The following HCN1 variants were observed in gnomAD, a reference collection of about 807,000 sequenced individuals.
HCN1 encodes potassium/sodium hyperpolarization-activated cyclic nucleotide-gated channel 1.
In HCN1, 13 loss-of-function variants were observed where a neutral mutation model predicts 78.9. That is an observed-to-expected ratio of 0.16 (90% CI 0.11 to 0.26). The LOEUF is 0.26. Among genes scored for constraint, HCN1 ranks in the 10% least tolerant of loss-of-function variants. The pLI is 1.00. For missense variants in HCN1, 810 were observed against 1,154.3 expected (o/e 0.70, Z 4.32); for synonymous variants, 552 against 455.5 (o/e 1.21, Z -2.70).
chr5:45,665,113 T>C (rs10440658), intron 1 of HCN1, among the ~76,000 whole-genome samples: 1,258 of 110,436 alleles, frequency 0.011, no homozygotes, highest in African/African-American at 0.027. Context: ...GAATACTATG[T>C]AGCCATAAAA....
chr5:45,386,797 T>G (rs1048886717), intron 4 of HCN1, among the ~76,000 whole-genome samples: 1 of 152,164 alleles, frequency 6.6e-6, no homozygotes, highest in Non-Finnish European at 1.5e-5. Context: ...TTGAATTCTC[T>G]CTAAATATCA....
At chr5:45,551,985 TAC>T (rs1181434263) in intron 2 of HCN1, among the ~76,000 whole-genome samples, 2 of 151,966 alleles carry the variant, frequency 1.3e-5, no homozygotes, top group African/African-American at 4.8e-5. Flanking sequence ...TGAAAATATA[TAC>T]ACAGTGACCA....
intron 2 of HCN1, among the ~76,000 whole-genome samples, chr5:45,578,314 G>A (rs961368297): frequency 4.6e-5 from 7 of 151,830 alleles, no homozygotes; most frequent in Non-Finnish European, 1.0e-4. Flanking sequence ...GTGATTAGGC[G>A]GTCTCTTCTT....
intron 2 of HCN1, among the ~76,000 whole-genome samples, chr5:45,611,917 A>T (rs1240428285): frequency 6.6e-6 from 1 of 152,104 alleles, no homozygotes; most frequent in Non-Finnish European, 1.5e-5. Context: ...CCTCTTTGGG[A>T]AGCTGAAAAA....
At chr5:45,420,707 T>TAC (rs910509486) in intron 3 of HCN1, among the ~76,000 whole-genome samples, 11 of 151,950 alleles carry the variant, frequency 7.2e-5, no homozygotes, top group South Asian at 4.2e-4. Flanking sequence ...ATCACTGTTA[T>TAC]ACACACACAC....
At chr5:45,385,417 T>C (rs1747891399) in intron 4 of HCN1, among the ~76,000 whole-genome samples, 1 of 152,112 alleles carries the variant, frequency 6.6e-6, no homozygotes, top group Admixed American at 6.6e-5. Context: ...TGTGTTTTCA[T>C]ATAACTTCCT....
Position 45,396,552 on chromosome 5 carries a change from G to T in HCN1, c.1170C>A (p.Val390=). The T allele has an allele frequency of 6.2e-7, 1 of 1,613,774 alleles. No homozygotes were observed. Among genetic ancestry groups the T allele is most frequent in the South Asian group, 1.1e-5 (1 of 91,068 alleles). Residue 390 remains valine (V), a synonymous_variant, in exon 4 of 8, where the codon GTC becomes GTA. Transcript: ENST00000303230. The part of the protein sequence containing the change: ...IVGATCYAMF[V]GHATALIQSL... ...ACTGGATTAAAGCGGTGGCATGGCC[G>T]ACAAACATGGCATAGCAGGTGGCCC...
At chr5:45,582,129 G>T (rs1744090302) in intron 2 of HCN1, among the ~76,000 whole-genome samples, 1 of 151,976 alleles carries the variant, frequency 6.6e-6, no homozygotes, top group Non-Finnish European at 1.5e-5. Context: ...CCATTTTCAC[G>T]GTATTGATTC....
chr5:45,619,434 C>T (rs183353881), intron 2 of HCN1, among the ~76,000 whole-genome samples: 8 of 151,984 alleles, frequency 5.3e-5, no homozygotes, highest in East Asian at 3.9e-4. Flanking sequence ...AAAAAATATA[C>T]GGTATCCTAA....
In HCN1 at chr5:45,586,941, C is replaced by T. The variant is rs113840875; in HGVS notation, c.849+58244G>A. ...AAATATGCACCTCAATTCTGTGGGCCATCACTAACCAAGGTTGGCTATAAT... is the reference window on the plus strand; with the variant it reads ...AAATATGCACCTCAATTCTGTGGGCTATCACTAACCAAGGTTGGCTATAAT... On this transcript the variant is annotated intron_variant, in intron 2 of 7. Transcript: ENST00000303230. 1.7e-4 allele frequency among the ~76,000 whole-genome samples: 26 copies of T among 152,246 alleles called. 2 individuals are homozygous for T. The highest frequency in any genetic ancestry group is 6.0e-4 in the African/African-American group (25 of 41,558).
chr5:45,329,661 G>A (rs1357586334), intron 5 of HCN1, among the ~76,000 whole-genome samples: 1 of 151,378 alleles, frequency 6.6e-6, no homozygotes, highest in African/African-American at 2.4e-5. Context: ...TATAGATATG[G>A]GGAATAGGTA....
intron 2 of HCN1, among the ~76,000 whole-genome samples, chr5:45,584,076 G>C (rs541301479): frequency 6.6e-6 from 1 of 152,044 alleles, no homozygotes; most frequent in Admixed American, 6.6e-5. Context: ...TCAATTCCTG[G>C]ATATCCTTGT....
Position 45,262,198 on chromosome 5 carries a change from G to C in HCN1, c.2396C>G (p.Thr799Ser). 1 of 1,614,072 alleles carries C rather than the reference G, an allele frequency of 6.2e-7. No homozygotes were observed. The highest frequency in any genetic ancestry group is 1.3e-5 in the African/African-American group (1 of 75,082). ...AGTGGGATGAGGTCTGGAAATCAGAGTGGACACCTCATGGGGCAGCGAGGG... is the reference window on the plus strand; with the variant it reads ...AGTGGGATGAGGTCTGGAAATCAGACTGGACACCTCATGGGGCAGCGAGGG... Reference protein sequence around the residue: ...SQPSLPHEVSTLISRPHPTVG... With the variant: ...SQPSLPHEVSSLISRPHPTVG... The change falls in exon 8 of 8, where the codon ACT becomes AGT. Residue 799 changes from threonine to serine, a missense_variant. Physicochemically the swap from Thr to Ser is moderately conservative, Grantham distance 58. Around this residue, in one of 6 missense-constraint regions of HCN1, gnomAD observed 398 missense variants for 381.3 expected, o/e 1.04. Transcript: ENST00000303230.
At chr5:45,330,424 T>C (rs1196914873) in intron 5 of HCN1, among the ~76,000 whole-genome samples, 4 of 151,052 alleles carry the variant, frequency 2.6e-5, no homozygotes, top group African/African-American at 9.7e-5. Flanking sequence ...GACACCATCA[T>C]ATATATACAT....
At chr5:45,388,896 T>C (rs1747982005) in intron 4 of HCN1, among the ~76,000 whole-genome samples, 1 of 152,170 alleles carries the variant, frequency 6.6e-6, no homozygotes, top group African/African-American at 2.4e-5. Context: ...GTCCACCCGC[T>C]AAAATGGAAA....
In HCN1 at chr5:45,695,986, C is replaced by G; in HGVS notation, c.108G>C (p.Glu36Asp). 7.7e-7 allele frequency: 1 copy of G among 1,303,352 alleles called. No homozygotes were observed. 80.7% of individuals were successfully genotyped at this position (1,303,352 alleles called of 1,614,324 possible). ...SATGAGPAAA[E>D]KRLGTPPGGG... is the part of the protein sequence containing the mutation. ...CCCCCGGCGGGGTGCCCAGGCGCTT[C>G]TCGGCCGCGGCCGGCCCCGCGCCCG... is the stretch of plus-strand genomic sequence containing the variant. The change falls in exon 1 of 8, where the codon GAG becomes GAC. Residue 36 changes from glutamate (E) to aspartate (D), a missense_variant. This residue lies in a region of HCN1 where 170 missense variants were observed against 166.8 expected (regional missense o/e 1.02). Coordinates refer to ENST00000303230, the MANE Select transcript of HCN1 (RefSeq NM_021072.4).
chr5:45,650,883 C>A (rs1018276647), intron 1 of HCN1, among the ~76,000 whole-genome samples: 1 of 151,882 alleles, frequency 6.6e-6, no homozygotes, highest in African/African-American at 2.4e-5. Flanking sequence ...GGTTTCCCAG[C>A]CCCAGTTGCT....
At chr5:45,270,461 A>G (rs1427273077) in intron 6 of HCN1, among the ~76,000 whole-genome samples, 1 of 152,202 alleles carries the variant, frequency 6.6e-6, no homozygotes, top group African/African-American at 2.4e-5. Context: ...TATTAACAAG[A>G]AAGGGCCATG....
intron 6 of HCN1, among the ~76,000 whole-genome samples, chr5:45,303,190 T>A (rs1745661961): frequency 6.6e-6 from 1 of 152,172 alleles, no homozygotes; most frequent in Non-Finnish European, 1.5e-5. Flanking sequence ...ACAGAAGCTG[T>A]TAGTTTTTCA....
Sources: allele counts gnomAD v4.1 joint callset (sites outside exome capture counted in the v4.1 genomes callset), GRCh38; gene constraint gnomAD v4.1.1; regional missense constraint gnomAD v4.1.1; transcripts MANE v1.5; gene names NCBI Gene and HGNC (gene_info 2026-07-23, HGNC 2026-07-21).